C9: variants seen among roughly 807,000 people sequenced by gnomAD.
The protein encoded by C9 is complement C9, also known as complement component C9.
C9 carries 63 observed loss-of-function variants against 65.4 expected under a neutral mutation model. The observed-to-expected ratio is 0.96, with a 90% CI of 0.79 to 1.19. The LOEUF (loss-of-function observed/expected upper bound fraction) is 1.19, where lower values mean the gene tolerates loss of function less well. C9 is among the 50% of genes most tolerant of loss of function. The pLI is 0.00. For missense variants in C9, 744 were observed against 670.1 expected, an observed-to-expected ratio of 1.11 and a Z score of -1.22; for synonymous variants, 229 against 227.9, an observed-to-expected ratio of 1.00 and a Z score of -0.04.
intron 10 of C9, among the ~76,000 whole-genome samples, chr5:39,286,274 C>T (rs969887303): frequency 6.6e-5 from 10 of 151,918 alleles, no homozygotes; most frequent in African/African-American, 2.4e-4. Flanking sequence ...GAAATAATTC[C>T]CACCAAAAAC....
At position 39,341,308 on chromosome 5, in the gene C9, A is replaced by C; in HGVS notation, c.329-15T>G. 1 of 1,613,786 alleles carries C rather than the reference A, an allele frequency of 6.2e-7. No homozygotes were observed. The highest frequency in any genetic ancestry group is 8.5e-7 in the Non-Finnish European group (1 of 1,179,656). ...TATGCATCTGCCTGCAATCAAAATC[A>C]GGAGAGACTCAATGTATCTAATGTC... On this transcript the variant is annotated splice_polypyrimidine_tract_variant and intron_variant, in intron 3 of 10. Transcript: ENST00000263408.
intron 1 of C9, among the ~76,000 whole-genome samples, chr5:39,346,546 A>G (rs2111965282): frequency 6.6e-6 from 1 of 152,330 alleles, no homozygotes; most frequent in East Asian, 1.9e-4. Flanking sequence ...ACCAACCAAA[A>G]AAAGTCCAGG....
At chr5:39,342,495 T>C (rs1476816914) in intron 1 of C9, among the ~76,000 whole-genome samples, 1 of 152,228 alleles carries the variant, frequency 6.6e-6, no homozygotes, top group Non-Finnish European at 1.5e-5. Flanking sequence ...GTGTTTTACA[T>C]AGATTAATCT....
At chr5:39,335,314 T>A (rs9292738) in intron 4 of C9, among the ~76,000 whole-genome samples, 4,561 of 152,298 alleles carry the variant, frequency 0.03, 212 homozygotes, top group African/African-American at 0.1. Flanking sequence ...CAGTTTATAT[T>A]CACTCTCTGC....
intron 5 of C9, among the ~76,000 whole-genome samples, chr5:39,317,403 A>T (rs908227660): frequency 6.6e-6 from 1 of 151,978 alleles, no homozygotes. Flanking sequence ...TTGGCATTTT[A>T]TGAAATCTTT....
intron 1 of C9, among the ~76,000 whole-genome samples, chr5:39,362,146 C>T (rs2111994821): frequency 6.6e-6 from 1 of 152,200 alleles, no homozygotes; most frequent in Middle Eastern, 3.4e-3. Flanking sequence ...TGCCCGCCAA[C>T]CCTGAAAGGT....
At chr5:39,337,605 C>G (rs1753993905) in intron 4 of C9, among the ~76,000 whole-genome samples, 2 of 152,252 alleles carry the variant, frequency 1.3e-5, no homozygotes, top group Admixed American at 1.3e-4. Flanking sequence ...ACCAGGTGAA[C>G]TGAAGAGAAA....
intron 7 of C9, among the ~76,000 whole-genome samples, chr5:39,310,368 A>G (rs1384815846): frequency 6.6e-6 from 1 of 152,178 alleles, no homozygotes; most frequent in Non-Finnish European, 1.5e-5. Flanking sequence ...CTTAAGGAAT[A>G]TTATAACTAG....
In C9 at chr5:39,361,987, T is replaced by C. The variant is rs184697392; in HGVS notation, c.77+2401A>G. 1.1e-3 allele frequency among the ~76,000 whole-genome samples: 166 copies of C among 152,276 alleles called. 1 individual carries two copies. The highest frequency in any genetic ancestry group is 3.9e-3 in the African/African-American group (162 of 41,546). On this transcript the variant is annotated intron_variant, in intron 1 of 10. Coordinates refer to ENST00000263408, the MANE Select transcript of C9 (RefSeq NM_001737.5). ...GTGAAAGCACAGGAAGGTTATTATT[T>C]TTTTTAAATACCTGGCATTTATTAA...
At position 39,285,123 on chromosome 5, in the gene C9, A is replaced by G; in HGVS notation, c.*76T>C. 8.4e-7 allele frequency: 1 copy of G among 1,196,040 alleles called. No individual in the cohort carries two copies. The allele number at this position is 1,196,040 out of a possible 1,614,324, so 74.1% of individuals were successfully genotyped here. Reference sequence around the variant, plus strand: ...GCATGTTGCTATTTACTTGGCAGCTAAGATTATCTTCAGGGGTAGGATCTG... The same window carrying G: ...GCATGTTGCTATTTACTTGGCAGCTGAGATTATCTTCAGGGGTAGGATCTG... On this transcript the variant is annotated 3_prime_UTR_variant, in exon 11 of 11. Transcript: ENST00000263408.
intron 4 of C9, among the ~76,000 whole-genome samples, chr5:39,336,036 A>G (rs186822572): frequency 2.0e-5 from 3 of 152,276 alleles, no homozygotes; most frequent in Admixed American, 2.0e-4. Flanking sequence ...AAGTAGATGC[A>G]AAGAATATAA....
chr5:39,332,668 A>G (rs947146403), intron 4 of C9, among the ~76,000 whole-genome samples: 3 of 152,228 alleles, frequency 2.0e-5, no homozygotes, highest in Admixed American at 1.3e-4. Flanking sequence ...GATCAAATCT[A>G]TAACTTACCT....
chr5:39,347,001 A>G (rs1408061161), intron 1 of C9, among the ~76,000 whole-genome samples: 2 of 152,216 alleles, frequency 1.3e-5, no homozygotes, highest in Non-Finnish European at 2.9e-5. Context: ...TCTATAAATT[A>G]GGTATTGATG....
intron 5 of C9, among the ~76,000 whole-genome samples, 164 bp downstream of exon 5, chr5:39,331,512 T>A (rs1561346110): frequency 6.6e-6 from 1 of 152,200 alleles, no homozygotes; most frequent in Non-Finnish European, 1.5e-5. Flanking sequence ...AAGACACAAT[T>A]GTATGTTTCT....
At chr5:39,353,107 G>A (rs545529017) in intron 1 of C9, among the ~76,000 whole-genome samples, 1 of 152,324 alleles carries the variant, frequency 6.6e-6, no homozygotes, top group African/African-American at 2.4e-5. Context: ...ACCTGCTGTT[G>A]CTGGCTCTGA....
intron 3 of C9, 109 bp downstream of exon 3, chr5:39,341,447 C>T: frequency 6.9e-7 from 1 of 1,457,426 alleles, no homozygotes; most frequent in Non-Finnish European, 9.6e-7. Context: ...TCTTTTGGGG[C>T]CTTTCACGCT....
intron 2 of C9, 25 bp from the exon 3 acceptor site, chr5:39,341,725 TAG>T (rs1561350680): frequency 3.1e-6 from 5 of 1,612,336 alleles, no homozygotes; most frequent in Non-Finnish European, 4.2e-6. Context: ...TTGGAATGAT[TAG>T]AATTTCTAAT....
chr5:39,315,895 T>A lies in C9; in HGVS notation c.750A>T (p.Lys250Asn), dbSNP rs1561340469. 1 of 1,613,562 alleles carries A rather than the reference T, an allele frequency of 6.2e-7. No individual in the cohort carries two copies. The highest frequency in any genetic ancestry group is 1.3e-5 in the African/African-American group (1 of 75,028). The change falls in exon 6 of 11, where the codon AAA (lysine) becomes AAT (asparagine). Residue 250 changes from lysine (K) to asparagine (N), a missense_variant. Lys to Asn is a moderately conservative substitution (Grantham distance 94). Coordinates refer to ENST00000263408, the MANE Select transcript of C9 (RefSeq NM_001737.5). ...CTGTTTCCTCACAACATTGTTCAGC[T>A]TTATTTGTTTCAGTGGGTGTAAATT... ...SLKFTPTETN[K>N]AEQCCEETAS...
At chr5:39,349,025 G>T (rs2111970563) in intron 1 of C9, among the ~76,000 whole-genome samples, 1 of 150,726 alleles carries the variant, frequency 6.6e-6, no homozygotes, top group African/African-American at 2.4e-5. Flanking sequence ...ATGTTGTGGG[G>T]TGGGGGGGAG....
Sources: gnomAD v4.1 joint callset for allele counts (sites outside exome capture counted in the v4.1 genomes callset) on GRCh38, gnomAD v4.1.1 for gene constraint, MANE v1.5 for transcripts, NCBI Gene and HGNC (gene_info 2026-07-23, HGNC 2026-07-21) for gene names.